The following MACROD2 variants were observed in gnomAD, a reference collection of about 807,000 sequenced individuals.
MACROD2 encodes mono-ADP ribosylhydrolase 2, also known as ADP-ribose glycohydrolase MACROD2.
A neutral mutation model predicts 70.4 loss-of-function variants in MACROD2; 36 were observed. The observed-to-expected ratio is 0.51, with a 90% CI of 0.39 to 0.68. The LOEUF (loss-of-function observed/expected upper bound fraction) is 0.68. Ranked by LOEUF, MACROD2 falls within the 30% of genes least tolerant of loss-of-function variation. MACROD2 has a pLI of 0.00. For missense variants in MACROD2, 496 were observed against 538.4 expected (o/e 0.92, Z 0.78); for synonymous variants, 172 against 178.8 (o/e 0.96, Z 0.30).
rs380997 is a variant in MACROD2 at position 15,576,043 on chromosome 20, C to T, written c.645+76196C>T. ...TGATTCAAACAAAAATTCTTAAGCA[C>T]CTGCCATACGAGTAACAACCATGAG... On this transcript the variant is annotated intron_variant, in intron 8 of 17. Coordinates refer to ENST00000684519, the MANE Select transcript of MACROD2 (RefSeq NM_001351661.2). 8.7e-3 allele frequency among the ~76,000 whole-genome samples: 1,325 copies of T among 152,236 alleles called. 27 individuals carry two copies. The South Asian group carries it at 0.091, about 10-fold the overall frequency.
chr20:14,046,715 T>TTTTA (rs57310891), intron 2 of MACROD2, among the ~76,000 whole-genome samples: 20,420 of 145,708 alleles, frequency 0.14, 1,506 homozygotes, highest in Non-Finnish European at 0.15. Context: ...AAGCATTCTC[T>TTTTA]TTTATTTATT....
chr20:14,748,354 TC>T (rs753172761), intron 5 of MACROD2, among the ~76,000 whole-genome samples: 51 of 152,254 alleles, frequency 3.3e-4, no homozygotes, highest in African/African-American at 1.2e-3. Flanking sequence ...TAAATGGTTG[TC>T]TTCCCCTTCA....
chr20:15,277,822 G>A (rs1274471341), intron 6 of MACROD2, among the ~76,000 whole-genome samples: 1 of 152,146 alleles, frequency 6.6e-6, no homozygotes, highest in African/African-American at 2.4e-5. Context: ...GAGAGAGGGA[G>A]GAGAAAAGAG....
At chr20:15,210,221 A>C (rs950212448) in intron 5 of MACROD2, among the ~76,000 whole-genome samples, 8 of 152,228 alleles carry the variant, frequency 5.3e-5, no homozygotes, top group Non-Finnish European at 1.0e-4. Flanking sequence ...TGTGTATGGC[A>C]CATAGTTTTC....
intron 10 of MACROD2, among the ~76,000 whole-genome samples, chr20:15,901,503 C>T (rs919273879): frequency 6.6e-6 from 1 of 152,310 alleles, no homozygotes; most frequent in South Asian, 2.1e-4. Flanking sequence ...ATACCGCACT[C>T]TAGAGTGGCC....
intron 8 of MACROD2, among the ~76,000 whole-genome samples, chr20:15,753,707 G>A (rs1390929225): frequency 1.3e-5 from 2 of 152,134 alleles, no homozygotes; most frequent in Non-Finnish European, 2.9e-5. Flanking sequence ...TTTCCACAAT[G>A]GCTGAACTAA....
intron 4 of MACROD2, among the ~76,000 whole-genome samples, chr20:14,674,103 C>T (rs1009293074): frequency 1.1e-4 from 16 of 151,994 alleles, no homozygotes; most frequent in South Asian, 6.2e-4. Flanking sequence ...CTAAGGTATT[C>T]GGTATATTGT....
chr20:15,593,236 G>A (rs2048702543), intron 8 of MACROD2, among the ~76,000 whole-genome samples: 2 of 152,176 alleles, frequency 1.3e-5, no homozygotes, highest in South Asian at 4.1e-4. Flanking sequence ...GTGACCCACA[G>A]GACTTAATTC....
intron 2 of MACROD2, among the ~76,000 whole-genome samples, chr20:14,063,664 T>A (rs958778689): frequency 2.6e-5 from 4 of 152,192 alleles, no homozygotes; most frequent in Non-Finnish European, 4.4e-5. Context: ...TTAGGTTGCA[T>A]CCCCAAGATT....
intron 3 of MACROD2, among the ~76,000 whole-genome samples, chr20:14,443,314 TG>T (rs1212798508): frequency 2.0e-5 from 3 of 150,830 alleles, no homozygotes; most frequent in Admixed American, 2.0e-4. Flanking sequence ...TTTTTTTTTT[TG>T]AGGCAGTGTC....
At chr20:14,849,932 A>G (rs956724096) in intron 5 of MACROD2, 6 of 503,822 alleles carry the variant, frequency 1.2e-5, no homozygotes, top group African/African-American at 1.2e-4. Context: ...AGCTATTGAA[A>G]CTGAATCTTC....
intron 6 of MACROD2, among the ~76,000 whole-genome samples, chr20:15,297,701 T>G (rs6034148): frequency 0.25 from 38,358 of 152,156 alleles, 5,130 homozygotes; most frequent in African/African-American, 0.33. Context: ...TTCCTACTTT[T>G]ATGGTGCTAG....
intron 3 of MACROD2, among the ~76,000 whole-genome samples, chr20:14,476,929 A>T (rs1270275862): frequency 6.6e-6 from 1 of 152,206 alleles, no homozygotes; most frequent in Non-Finnish European, 1.5e-5. Context: ...TAAAAGGCCA[A>T]GATGTGGCAG....
rs1169347136 is a variant in MACROD2 at position 15,281,294 on chromosome 20, T to G, written c.540+51233T>G. 9.2e-5 allele frequency among the ~76,000 whole-genome samples: 14 copies of G among 152,276 alleles called. No homozygotes were observed. The East Asian group carries it at 2.7e-3, about 29-fold the overall frequency. On this transcript the variant is annotated intron_variant, in intron 6 of 17. Transcript: ENST00000684519. ...ATGTCTTTTCACATTTCAAAACCAA[T>G]CATATCTTCCCAACAGTCCCCCAAA...
intron 8 of MACROD2, among the ~76,000 whole-genome samples, chr20:15,508,316 G>A (rs978385869): frequency 6.6e-6 from 1 of 150,408 alleles, no homozygotes; most frequent in Non-Finnish European, 1.5e-5. Flanking sequence ...GGTTTGGGGG[G>A]TTGGGATTTT....
At chr20:16,028,782 C>T (rs919295059) in intron 15 of MACROD2, among the ~76,000 whole-genome samples, 15 of 152,136 alleles carry the variant, frequency 9.9e-5, no homozygotes, top group East Asian at 3.9e-4. Context: ...GTCCAAGTGA[C>T]GAAGAGAGGT....
intron 5 of MACROD2, among the ~76,000 whole-genome samples, chr20:14,936,664 A>G (rs567283398): frequency 6.6e-6 from 1 of 152,134 alleles, no homozygotes; most frequent in African/African-American, 2.4e-5. Context: ...AAAATGTTGC[A>G]ATGGCCCCAC....
intron 5 of MACROD2, among the ~76,000 whole-genome samples, chr20:15,166,369 C>G (rs1720648890): frequency 1.3e-5 from 2 of 152,174 alleles, no homozygotes; most frequent in Admixed American, 6.5e-5. Flanking sequence ...AAGGCTCTCT[C>G]TTTTCTGAAA....
chr20:14,079,191 T>A (rs998763295), intron 2 of MACROD2, among the ~76,000 whole-genome samples: 1 of 152,224 alleles, frequency 6.6e-6, no homozygotes, highest in African/African-American at 2.4e-5. Context: ...AATGCTTCAT[T>A]TTCAACAAAA....
Sources: gnomAD v4.1 joint callset for allele counts (sites outside exome capture counted in the v4.1 genomes callset) on GRCh38, gnomAD v4.1.1 for gene constraint, MANE v1.5 for transcripts, NCBI Gene and HGNC (gene_info 2026-07-23, HGNC 2026-07-21) for gene names.